Variants in MARK3 observed in about 807,000 individuals in gnomAD.
MARK3 encodes the protein MAP/microtubule affinity-regulating kinase 3.
Under a neutral mutation model 90.1 loss-of-function variants are expected in MARK3, and 46 were observed. The ratio of observed to expected loss-of-function variants is 0.51; its 90% confidence interval spans 0.40 to 0.65. The LOEUF (loss-of-function observed/expected upper bound fraction) is 0.65, where lower values mean the gene tolerates loss of function less well. MARK3 is among the 30% of genes least tolerant of loss of function. The probability of loss-of-function intolerance (pLI) is 0.00; values close to 1 mark genes in which losing one functional copy is unlikely to be tolerated. For synonymous variants in MARK3, 321 were observed against 332.6 expected, an observed-to-expected ratio of 0.97 and a Z score of 0.38; for missense variants, 818 against 947.2, an observed-to-expected ratio of 0.86 and a Z score of 1.79.
intron 4 of MARK3, 46 bp from the exon 5 acceptor site, chr14:103,451,872 A>G (rs2093154428): frequency 7.3e-7 from 1 of 1,372,266 alleles, no homozygotes; most frequent in Non-Finnish European, 1.0e-6. Flanking sequence ...GTTTGTGCAT[A>G]CAGACATTTG....
chr14:103,477,292 G>T lies in MARK3; in HGVS notation c.1482+2082G>T, dbSNP rs528623310. 1.1e-4 allele frequency among the ~76,000 whole-genome samples: 16 copies of T among 152,304 alleles called. No homozygotes were observed. The South Asian group carries it at 2.9e-3, about 28-fold the overall frequency. ...GGATCACTTGAGGTCAGGAGTTCAA[G>T]AACAGCCTGGCCAACATGGTGAAAT... On this transcript the variant is annotated intron_variant, in intron 13 of 17. Coordinates refer to ENST00000429436, the MANE Select transcript of MARK3 (RefSeq NM_001128918.3).
intron 15 of MARK3, among the ~76,000 whole-genome samples, chr14:103,496,476 G>C (rs962461317): frequency 1.3e-5 from 2 of 151,630 alleles, no homozygotes; most frequent in African/African-American, 4.8e-5. Flanking sequence ...GCAGTGGCAC[G>C]ATCTTGGTTC....
At chr14:103,406,607 T>C (rs913734190) in intron 2 of MARK3, among the ~76,000 whole-genome samples, 3 of 150,534 alleles carry the variant, frequency 2.0e-5, no homozygotes, top group African/African-American at 7.4e-5. Context: ...TGTTTTTGTT[T>C]TTGTTTTTTT....
chr14:103,428,917 A>G (rs1296716738), intron 3 of MARK3, among the ~76,000 whole-genome samples: 1 of 152,224 alleles, frequency 6.6e-6, no homozygotes, highest in East Asian at 1.9e-4. Flanking sequence ...ATGTTAAAGT[A>G]AAACTGAAAG....
At chr14:103,456,551 C>T (rs997934010) in intron 5 of MARK3, among the ~76,000 whole-genome samples, 1 of 152,214 alleles carries the variant, frequency 6.6e-6, no homozygotes, top group Non-Finnish European at 1.5e-5. Context: ...CACACACAGG[C>T]TCACTTGTCT....
intron 3 of MARK3, among the ~76,000 whole-genome samples, chr14:103,437,124 A>G (rs2092735212): frequency 6.6e-6 from 1 of 151,758 alleles, no homozygotes; most frequent in Non-Finnish European, 1.5e-5. Flanking sequence ...AAAACTGTAT[A>G]TATGTTTGTT....
intron 1 of MARK3, among the ~76,000 whole-genome samples, chr14:103,400,127 C>T (rs2090862791): frequency 6.6e-6 from 1 of 152,068 alleles, no homozygotes; most frequent in African/African-American, 2.4e-5. Context: ...TGGGGTTTCA[C>T]CATGTTGGCC....
chr14:103,478,201 A>G (rs980126384), intron 13 of MARK3, among the ~76,000 whole-genome samples: 5 of 151,406 alleles, frequency 3.3e-5, no homozygotes, highest in African/African-American at 9.7e-5. Context: ...AGGCTAAGGC[A>G]GGAGAATCGA....
rs1454374842 is a variant in MARK3, at chr14:103,503,147, G to A, written c.2182G>A (p.Val728Ile). The change falls in exon 18 of 18, where the codon GTC becomes ATC. Residue 728 changes from valine to isoleucine, a missense_variant. Physicochemically the swap from Val to Ile is conservative, Grantham distance 29. Around this residue, in one of 3 missense-constraint regions of MARK3, gnomAD observed 560 missense variants for 613.5 expected, o/e 0.91. Coordinates refer to ENST00000429436, the MANE Select transcript of MARK3 (RefSeq NM_001128918.3). ...GCTGCCAAGACTGTCTCTGAACGGG[G>A]TCCGGTTTAAGCGGATATCGGGGAC... ...CKLPRLSLNG[V>I]RFKRISGTSI... 4 of 1,614,196 alleles carry A rather than the reference G, an allele frequency of 2.5e-6. No individual in the cohort carries two copies. Among genetic ancestry groups the A allele is most frequent in the Non-Finnish European group, 3.4e-6 (4 of 1,180,046 alleles).
intron 1 of MARK3, chr14:103,386,298 G>T: frequency 2.8e-6 from 2 of 701,984 alleles, no homozygotes; most frequent in Non-Finnish European, 5.2e-6. Context: ...GATTATGCCG[G>T]CAGTCTAGTC....
chr14:103,405,878 T>C (rs1344086388), intron 2 of MARK3, among the ~76,000 whole-genome samples: 2 of 151,848 alleles, frequency 1.3e-5, no homozygotes, highest in African/African-American at 4.8e-5. Flanking sequence ...ATTACAGGCA[T>C]GAGCCACCGT....
chr14:103,474,102 G>C (rs1191980938), intron 12 of MARK3, among the ~76,000 whole-genome samples: 1 of 151,886 alleles, frequency 6.6e-6, no homozygotes, highest in Non-Finnish European at 1.5e-5. Context: ...CTACTCCGGA[G>C]GCTGAGGCGG....
intron 1 of MARK3, among the ~76,000 whole-genome samples, chr14:103,387,032 T>C (rs1010152457): frequency 6.6e-6 from 1 of 152,252 alleles, no homozygotes; most frequent in African/African-American, 2.4e-5. Context: ...GACTATATTC[T>C]GTAAAACATC....
chr14:103,473,085 C>G (rs568544454), intron 12 of MARK3, among the ~76,000 whole-genome samples: 1 of 151,972 alleles, frequency 6.6e-6, no homozygotes, highest in South Asian at 2.1e-4. Flanking sequence ...TGAAAGTACA[C>G]AAAAGGTTAC....
intron 15 of MARK3, among the ~76,000 whole-genome samples, chr14:103,495,427 C>T (rs1353715816): frequency 2.7e-5 from 4 of 148,292 alleles, no homozygotes; most frequent in Non-Finnish European, 4.4e-5. Context: ...TTGCAGAGAG[C>T]CAAGATCACA....
intron 14 of MARK3, among the ~76,000 whole-genome samples, 185 bp downstream of exon 14, chr14:103,480,675 G>C (rs907006722): frequency 6.6e-6 from 1 of 152,174 alleles, no homozygotes; most frequent in African/African-American, 2.4e-5. Context: ...TTGTTGTCCA[G>C]AGCATCATCC....
At chr14:103,481,757 C>CTTTTT (rs71126030) in intron 14 of MARK3, among the ~76,000 whole-genome samples, 9 of 49,778 alleles carry the variant, frequency 1.8e-4, no homozygotes, top group African/African-American at 3.5e-4. Context: ...ATAGGTATTT[C>CTTTTT]TTTTTTTTTT....
intron 14 of MARK3, among the ~76,000 whole-genome samples, chr14:103,487,439 G>A (rs2093949504): frequency 6.6e-6 from 1 of 151,516 alleles, no homozygotes; most frequent in Non-Finnish European, 1.5e-5. Context: ...TACCATGCTT[G>A]TATGCCTTAA....
chr14:103,432,663 C>T (rs1044347799), intron 3 of MARK3, among the ~76,000 whole-genome samples: 1 of 151,910 alleles, frequency 6.6e-6, no homozygotes, highest in Non-Finnish European at 1.5e-5. Flanking sequence ...TCAGCCTAGG[C>T]AGCACAGAGA....
Sources: gnomAD v4.1 joint callset for allele counts (sites outside exome capture counted in the v4.1 genomes callset) on GRCh38, gnomAD v4.1.1 for gene constraint, gnomAD v4.1.1 regional missense constraint, MANE v1.5 for transcripts, NCBI Gene and HGNC (gene_info 2026-07-23, HGNC 2026-07-21) for gene names.